Variants in DDX31 observed in about 807,000 individuals in gnomAD.
DDX31 encodes the protein ATP-dependent DNA helicase DDX31.
A neutral mutation model predicts 91.3 loss-of-function variants in DDX31; 70 were observed. That is an observed-to-expected ratio of 0.77 (90% confidence interval 0.63 to 0.94). The LOEUF (loss-of-function observed/expected upper bound fraction) is 0.94. Ranked by LOEUF, DDX31 falls within the 40% of genes least tolerant of loss-of-function variation. The pLI, the probability that DDX31 is intolerant of heterozygous loss-of-function variation, is 0.00. For missense variants in DDX31, 902 were observed against 925.0 expected (o/e 0.98, Z 0.32); for synonymous variants, 362 against 350.6 (o/e 1.03, Z -0.36).
intron 14 of DDX31, among the ~76,000 whole-genome samples, chr9:132,633,358 A>G (rs1000457460): frequency 3.3e-5 from 5 of 152,226 alleles, no homozygotes; most frequent in Admixed American, 6.5e-5. Context: ...TCACTTCTAA[A>G]AGTCCACACA....
At chr9:132,629,559 T>C (rs1223648750) in intron 16 of DDX31, among the ~76,000 whole-genome samples, 1 of 152,264 alleles carries the variant, frequency 6.6e-6, no homozygotes, top group African/African-American at 2.4e-5. Flanking sequence ...TTCATTCCAA[T>C]GAAGAACGTA....
rs1835634085 is a variant in DDX31 at position 132,669,971 on chromosome 9, C to T, written c.-37G>A. 2.5e-6 allele frequency: 4 copies of T among 1,577,250 alleles called. No homozygotes were observed. The highest frequency in any genetic ancestry group is 1.3e-5 in the African/African-American group (1 of 74,140). ...GTGACGCGTGGTGCAGCAGCGAGCC[C>T]GGTGCGCAGACTGCTGGGCCCGGGA... On this transcript the variant is annotated 5_prime_UTR_variant, in exon 1 of 20. Coordinates refer to ENST00000372159, the MANE Select transcript of DDX31 (RefSeq NM_022779.9).
At chr9:132,654,945 C>CAA (rs140953433) in intron 6 of DDX31, among the ~76,000 whole-genome samples, 1,456 of 89,992 alleles carry the variant, frequency 0.016, 27 homozygotes, top group African/African-American at 0.022. Flanking sequence ...GACTCTGTCT[C>CAA]AAAAAAAAAA....
chr9:132,613,420 G>A (rs955134264), intron 18 of DDX31, among the ~76,000 whole-genome samples: 15 of 152,310 alleles, frequency 9.8e-5, no homozygotes, highest in South Asian at 6.2e-4. Flanking sequence ...GCGGCCGGGC[G>A]CGGTGGCTCA....
rs772080795 is a variant in DDX31, at chr9:132,662,676, C to G, written c.95G>C (p.Arg32Thr). 1.9e-6 allele frequency: 3 copies of G among 1,614,016 alleles called. No homozygotes were observed. The African/African-American group carries it at 4.0e-5, about 22-fold the overall frequency. ...AGCCTCACTGGACGCTTGGTATTTT[C>G]TTTTCGTAGCCTTTGCTTGCTGCGT... ...QASRQAKATK[R>T]KYQASSEAPP... The change falls in exon 2 of 20, where the codon AGA becomes ACA. Residue 32 changes from arginine (R) to threonine (T), a missense_variant. Transcript: ENST00000372159.
intron 6 of DDX31, among the ~76,000 whole-genome samples, chr9:132,655,472 T>A (rs1290386993): frequency 2.0e-5 from 3 of 152,126 alleles, no homozygotes; most frequent in Admixed American, 6.5e-5. Flanking sequence ...GAATTACACA[T>A]CCTCAAATTT....
chr9:132,643,924 A>G lies in DDX31; in HGVS notation c.1381-1861T>C, dbSNP rs561762157. 4.4e-3 allele frequency among the ~76,000 whole-genome samples: 655 copies of G among 150,442 alleles called. 9 individuals carry two copies. The highest frequency in any genetic ancestry group is 0.015 in the African/African-American group (601 of 41,202). ...TGATGTATTCAGATTTGGGGTAAGA[A>G]AAAAAAAAAACCTACCAAACTCTAG... On this transcript the variant is annotated intron_variant, in intron 13 of 19. Transcript: ENST00000372159.
intron 8 of DDX31, among the ~76,000 whole-genome samples, chr9:132,650,821 G>A (rs1834136096): frequency 6.6e-6 from 1 of 152,192 alleles, no homozygotes; most frequent in African/African-American, 2.4e-5. Flanking sequence ...GTGAATTTCT[G>A]TATGTGGCTT....
At chr9:132,661,063 A>G in intron 4 of DDX31, 145 bp downstream of exon 4, 1 of 720,166 alleles carries the variant, frequency 1.4e-6, no homozygotes. Context: ...TGAGTAGCTA[A>G]GTGAGACGAC....
intron 18 of DDX31, among the ~76,000 whole-genome samples, chr9:132,616,608 C>A (rs1319072659): frequency 6.6e-6 from 1 of 152,204 alleles, no homozygotes; most frequent in African/African-American, 2.4e-5. Flanking sequence ...TACTGCACAG[C>A]CAGCTGAATT....
intron 4 of DDX31, 84 bp from the exon 5 acceptor site, chr9:132,659,864 C>T: frequency 1.5e-6 from 2 of 1,339,968 alleles, no homozygotes; most frequent in South Asian, 2.5e-5. Flanking sequence ...AGGCAACTGC[C>T]CACACTTGGA....
At position 132,669,768 on chromosome 9, in the gene DDX31, C is replaced by T. The variant is rs149545662; in HGVS notation, c.75+92G>A. ...CTCCCGCTTAACTCCGTGAATGACTCGAAACCCGACTCCAAGGCACGGCTG... is the reference window on the plus strand; with the variant it reads ...CTCCCGCTTAACTCCGTGAATGACTTGAAACCCGACTCCAAGGCACGGCTG... On this transcript the variant is annotated intron_variant, in intron 1 of 19. Transcript: ENST00000372159. 1,807 of 1,520,344 alleles carry T rather than the reference C, an allele frequency of 1.2e-3. 5 individuals carry two copies. Among genetic ancestry groups the T allele is most frequent in the Middle Eastern group, 0.01 (56 of 5,578 alleles). The allele number at this position is 1,520,344 out of a possible 1,614,324, so 94.2% of individuals were successfully genotyped here. A position where few individuals can be genotyped will look rare whatever the true frequency, so the allele number is the denominator to read the frequency against.
intron 1 of DDX31, chr9:132,669,487 G>A: frequency 9.9e-7 from 1 of 1,012,182 alleles, no homozygotes; most frequent in Non-Finnish European, 1.3e-6. Flanking sequence ...AAAAATCAGA[G>A]CTTAGTCCGC....
At position 132,594,627 on chromosome 9, in the gene DDX31, C is replaced by T; in HGVS notation, c.*239G>A. 1 of 556,388 alleles carries T rather than the reference C, an allele frequency of 1.8e-6. No individual in the cohort carries two copies. Among genetic ancestry groups the T allele is most frequent in the Non-Finnish European group, 3.0e-6 (1 of 331,342 alleles). 34.5% of individuals were successfully genotyped at this position (556,388 alleles called of 1,614,324 possible). On this transcript the variant is annotated 3_prime_UTR_variant, in exon 20 of 20. Transcript: ENST00000372159. ...GTGCCGGGCACTGATGGGATCAATA[C>T]AAGACACAGACCCCTTCCGTCGGGA... is the stretch of plus-strand genomic sequence containing the variant.
At chr9:132,604,686 G>T (rs760663663) in intron 19 of DDX31, among the ~76,000 whole-genome samples, 1 of 152,126 alleles carries the variant, frequency 6.6e-6, no homozygotes, top group African/African-American at 2.4e-5. Flanking sequence ...CCTGGGCAGA[G>T]CATTTTCATA....
chr9:132,652,352 G>A lies in DDX31; in HGVS notation c.633+96C>T, dbSNP rs990943920. The A allele has an allele frequency of 5.6e-5, 79 of 1,416,702 alleles. No homozygotes were observed. In the South Asian group the frequency reaches 9.0e-4, roughly 16 times the overall value. The allele number at this position is 1,416,702 out of a possible 1,614,324, so 87.8% of individuals were successfully genotyped here. On this transcript the variant is annotated intron_variant, in intron 7 of 19. Transcript: ENST00000372159. ...ATGGAACTGGTGTGCAGTGGCTTGT[G>A]CAGTAGGGAGAAACATGGTAAAACC...
intron 16 of DDX31, among the ~76,000 whole-genome samples, chr9:132,628,456 T>C (rs1832529677): frequency 6.6e-6 from 1 of 152,236 alleles, no homozygotes; most frequent in Admixed American, 6.5e-5. Flanking sequence ...CAGATGATGG[T>C]ATTTGTTATG....
chr9:132,611,942 T>C (rs1589982202), intron 19 of DDX31, 145 bp downstream of exon 19: 2 of 1,199,522 alleles, frequency 1.7e-6, no homozygotes, highest in Non-Finnish European at 2.3e-6. Context: ...ATGAGGTGGC[T>C]TTCTTCTCAT....
chr9:132,611,491 C>T (rs1831336973), intron 19 of DDX31, among the ~76,000 whole-genome samples: 6 of 152,164 alleles, frequency 3.9e-5, no homozygotes, highest in Admixed American at 2.6e-4. Context: ...ACTCAGAGCC[C>T]AGCCTCGAAC....
Sources: allele counts gnomAD v4.1 joint callset (sites outside exome capture counted in the v4.1 genomes callset), GRCh38; gene constraint gnomAD v4.1.1; transcripts MANE v1.5; gene names NCBI Gene and HGNC (gene_info 2026-07-23, HGNC 2026-07-21).